Variants in DNER observed in about 807,000 individuals in gnomAD.
DNER encodes the protein delta and Notch-like epidermal growth factor-related receptor.
In DNER, 33 loss-of-function variants were observed where a neutral mutation model predicts 78.2. The ratio of observed to expected loss-of-function variants is 0.42; its 90% CI spans 0.32 to 0.56. The LOEUF is 0.56. Among genes scored for constraint, DNER ranks in the 20% least tolerant of loss-of-function variants. The pLI is 0.11. For synonymous variants in DNER, 417 were observed against 384.8 expected, an observed-to-expected ratio of 1.08 and a Z score of -0.98; for missense variants, 918 against 975.3, an observed-to-expected ratio of 0.94 and a Z score of 0.78.
chr2:229,542,878 G>T (rs1696543819), intron 5 of DNER, among the ~76,000 whole-genome samples: 1 of 152,160 alleles, frequency 6.6e-6, no homozygotes, highest in African/African-American at 2.4e-5. Context: ...GTGCGCCAAG[G>T]TGGTGCGTCT....
At chr2:229,645,843 T>C (rs1243464956) in intron 1 of DNER, among the ~76,000 whole-genome samples, 1 of 152,146 alleles carries the variant, frequency 6.6e-6, no homozygotes, top group Non-Finnish European at 1.5e-5. Flanking sequence ...GAGGAAGCCA[T>C]CAGGAGCATT....
chr2:229,614,976 A>C (rs1698124968), intron 1 of DNER, among the ~76,000 whole-genome samples: 1 of 152,234 alleles, frequency 6.6e-6, no homozygotes, highest in African/African-American at 2.4e-5. Context: ...TAGGATTAGC[A>C]GTAACATTTA....
intron 9 of DNER, among the ~76,000 whole-genome samples, chr2:229,410,543 G>A (rs1348983342): frequency 1.3e-5 from 2 of 152,186 alleles, no homozygotes; most frequent in Non-Finnish European, 2.9e-5. Flanking sequence ...TCTGTGGAAT[G>A]ACACATGCAT....
At chr2:229,615,476 G>A (rs560621432) in intron 1 of DNER, among the ~76,000 whole-genome samples, 16 of 151,888 alleles carry the variant, frequency 1.1e-4, no homozygotes, top group Admixed American at 2.0e-4. Flanking sequence ...TTGGGAGGCC[G>A]AGGCGGGTGG....
chr2:229,689,661 C>T (rs1215430795), intron 1 of DNER, among the ~76,000 whole-genome samples: 1 of 152,162 alleles, frequency 6.6e-6, no homozygotes. Context: ...TCACGGGGTG[C>T]TGGGGAGTGG....
rs144642124 is a variant in DNER at position 229,505,578 on chromosome 2, G to A, written c.1147+7205C>T. ...AAAGTGGAAGGTGAGACAGATGACA[G>A]GAGAGCTACAGATTCAAGGAGAGCA... On this transcript the variant is annotated intron_variant, in intron 6 of 12. Coordinates refer to ENST00000341772, the MANE Select transcript of DNER (RefSeq NM_139072.4). Among the ~76,000 whole-genome samples, 349 of 152,270 alleles carry A rather than the reference G, an allele frequency of 2.3e-3. 1 individual carries two copies. The highest frequency in any genetic ancestry group is 8.1e-3 in the African/African-American group (336 of 41,548).
intron 11 of DNER, among the ~76,000 whole-genome samples, chr2:229,374,166 GA>G (rs896461643): frequency 1.4e-5 from 2 of 147,850 alleles, no homozygotes; most frequent in South Asian, 2.1e-4. Context: ...TCTTAAAAAA[GA>G]AAAAAAAATA....
intron 12 of DNER, among the ~76,000 whole-genome samples, chr2:229,362,143 G>A (rs116234039): frequency 0.016 from 2,401 of 152,286 alleles, 68 homozygotes; most frequent in African/African-American, 0.055. Context: ...CTAGCCCCTC[G>A]AGGGGTGATG....
intron 7 of DNER, among the ~76,000 whole-genome samples, chr2:229,455,475 TGTCA>T (rs1412879930): frequency 6.6e-6 from 1 of 152,108 alleles, no homozygotes; most frequent in Non-Finnish European, 1.5e-5. Flanking sequence ...GAAGCTGGCC[TGTCA>T]GTCAGTCTGT....
At chr2:229,385,177 AATC>A (rs980463689) in intron 11 of DNER, among the ~76,000 whole-genome samples, 8 of 152,128 alleles carry the variant, frequency 5.3e-5, no homozygotes, top group African/African-American at 1.7e-4. Context: ...AATATATACA[AATC>A]AATAAATGCA....
intron 8 of DNER, among the ~76,000 whole-genome samples, chr2:229,443,007 T>C (rs1036062183): frequency 2.6e-5 from 4 of 152,332 alleles, no homozygotes; most frequent in African/African-American, 9.6e-5. Flanking sequence ...TGAAGAAGAA[T>C]GGGCAGAGGA....
chr2:229,676,397 A>C (rs13022072), intron 1 of DNER, among the ~76,000 whole-genome samples: 1 of 152,036 alleles, frequency 6.6e-6, no homozygotes, highest in East Asian at 1.9e-4. Context: ...TGAAGATTCA[A>C]CGTTTCTGAA....
intron 1 of DNER, among the ~76,000 whole-genome samples, chr2:229,600,733 T>C (rs1697810580): frequency 1.3e-5 from 2 of 152,172 alleles, no homozygotes; most frequent in Non-Finnish European, 2.9e-5. Flanking sequence ...AATATGGAAA[T>C]TCTCCCTCTA....
chr2:229,694,654 G>C (rs952912053), intron 1 of DNER, among the ~76,000 whole-genome samples: 1 of 152,212 alleles, frequency 6.6e-6, no homozygotes, highest in Non-Finnish European at 1.5e-5. Context: ...GATGGGACTT[G>C]TAGCCCCTTT....
At chr2:229,457,302 TA>T (rs1474558376) in intron 7 of DNER, among the ~76,000 whole-genome samples, 4 of 151,998 alleles carry the variant, frequency 2.6e-5, no homozygotes, top group Non-Finnish European at 5.9e-5. Flanking sequence ...TAAAAATGGT[TA>T]AAAGCAAAAA....
intron 9 of DNER, among the ~76,000 whole-genome samples, chr2:229,410,208 G>A (rs1402923884): frequency 1.3e-5 from 2 of 152,118 alleles, no homozygotes; most frequent in African/African-American, 4.8e-5. Flanking sequence ...TCTCAACACA[G>A]ACCACATTCT....
chr2:229,668,778 T>C (rs1471513262), intron 1 of DNER, among the ~76,000 whole-genome samples: 1 of 151,512 alleles, frequency 6.6e-6, no homozygotes, highest in Admixed American at 6.6e-5. Context: ...GGTAGGAGTG[T>C]AAATTAGTTC....
intron 10 of DNER, among the ~76,000 whole-genome samples, chr2:229,391,752 A>G (rs1693020889): frequency 6.6e-6 from 1 of 152,148 alleles, no homozygotes. Flanking sequence ...CATGTTGCCC[A>G]GGCTGATCTT....
At chr2:229,487,252 C>T (rs926150518) in intron 6 of DNER, among the ~76,000 whole-genome samples, 4 of 152,192 alleles carry the variant, frequency 2.6e-5, no homozygotes, top group African/African-American at 9.7e-5. Flanking sequence ...GTATTGATTA[C>T]TTTTATGCCA....
Sources: allele counts gnomAD v4.1 joint callset (sites outside exome capture counted in the v4.1 genomes callset), GRCh38; gene constraint gnomAD v4.1.1; transcripts MANE v1.5; gene names NCBI Gene and HGNC (gene_info 2026-07-23, HGNC 2026-07-21).